Variants in MCU observed in about 807,000 individuals in gnomAD.
MCU encodes the protein mitochondrial calcium uniporter.
Under a neutral mutation model 45.2 loss-of-function variants are expected in MCU, and 12 were observed. That is an observed-to-expected ratio of 0.27 (90% CI 0.17 to 0.43). The LOEUF (loss-of-function observed/expected upper bound fraction) is 0.43, where lower values mean the gene tolerates loss of function less well. Among genes scored for constraint, MCU ranks in the 20% least tolerant of loss-of-function variants. The probability of loss-of-function intolerance (pLI) is 1.00; values close to 1 mark genes in which losing one functional copy is unlikely to be tolerated. For synonymous variants in MCU, 160 were observed against 165.1 expected (o/e 0.97, Z 0.24); for missense variants, 324 against 436.7 (o/e 0.74, Z 2.30).
At chr10:72,787,208 A>G (rs1198577232) in intron 1 of MCU, among the ~76,000 whole-genome samples, 2 of 152,224 alleles carry the variant, frequency 1.3e-5, no homozygotes, top group African/African-American at 4.8e-5. Context: ...ACTCCCGCCC[A>G]CGGTAATTTT....
At chr10:72,821,331 A>G (rs2132815961) in intron 1 of MCU, among the ~76,000 whole-genome samples, 1 of 152,270 alleles carries the variant, frequency 6.6e-6, no homozygotes, top group South Asian at 2.1e-4. Context: ...GTAATTAAGT[A>G]ATCAGCAAAT....
intron 2 of MCU, among the ~76,000 whole-genome samples, chr10:72,858,649 C>G (rs1374532685): frequency 6.6e-6 from 1 of 152,168 alleles, no homozygotes; most frequent in South Asian, 2.1e-4. Context: ...GGGGTCCATT[C>G]AGTCAGTTGA....
intron 1 of MCU, among the ~76,000 whole-genome samples, chr10:72,746,458 A>C (rs558003970): frequency 6.6e-6 from 1 of 152,330 alleles, no homozygotes; most frequent in African/African-American, 2.4e-5. Context: ...CTCACTTTTC[A>C]GTTGGATAAA....
At chr10:72,706,026 T>C (rs1842815637) in intron 1 of MCU, among the ~76,000 whole-genome samples, 1 of 152,164 alleles carries the variant, frequency 6.6e-6, no homozygotes, top group Non-Finnish European at 1.5e-5. Context: ...GTTTATTGTA[T>C]TCTCTGAAGC....
intron 1 of MCU, among the ~76,000 whole-genome samples, chr10:72,774,276 G>A (rs146048156): frequency 6.3e-4 from 96 of 152,100 alleles, no homozygotes; most frequent in African/African-American, 2.2e-3. Context: ...TGGAGTTAAA[G>A]CATAGAATTC....
intron 1 of MCU, among the ~76,000 whole-genome samples, chr10:72,825,880 A>G (rs922079001): frequency 6.6e-6 from 1 of 152,162 alleles, no homozygotes; most frequent in African/African-American, 2.4e-5. Context: ...TACAGATGAG[A>G]ACTAAGATTC....
chr10:72,871,728 C>T (rs1452793307), intron 6 of MCU, 148 bp downstream of exon 6: 4 of 668,078 alleles, frequency 6.0e-6, no homozygotes, highest in Non-Finnish European at 1.0e-5. Context: ...GTGTATTAGG[C>T]AATATTCTAA....
At chr10:72,712,100 A>G (rs979598226) in intron 1 of MCU, among the ~76,000 whole-genome samples, 2 of 152,100 alleles carry the variant, frequency 1.3e-5, no homozygotes, top group Non-Finnish European at 2.9e-5. Flanking sequence ...TTCATTTTTA[A>G]CTACTTTGGC....
chr10:72,728,530 GAA>G (rs1589434763), intron 1 of MCU, among the ~76,000 whole-genome samples: 3 of 152,308 alleles, frequency 2.0e-5, no homozygotes, highest in African/African-American at 7.2e-5. Context: ...AGATACGAGT[GAA>G]GAGTATTTCA....
chr10:72,848,100 T>C (rs1845148730), intron 2 of MCU, among the ~76,000 whole-genome samples: 2 of 152,194 alleles, frequency 1.3e-5, no homozygotes, highest in African/African-American at 2.4e-5. Flanking sequence ...GGCATGAATA[T>C]AGACAATCCC....
At chr10:72,725,626 C>T (rs1589433683) in intron 1 of MCU, among the ~76,000 whole-genome samples, 2 of 152,144 alleles carry the variant, frequency 1.3e-5, no homozygotes, top group African/African-American at 2.4e-5. Flanking sequence ...CGGTGGCTCA[C>T]GCCTATAATC....
intron 1 of MCU, chr10:72,716,003 G>C (rs936262197): frequency 8.4e-6 from 4 of 473,738 alleles, no homozygotes; most frequent in Non-Finnish European, 1.1e-5. Flanking sequence ...GTTGCCAGTT[G>C]ATTTTTCTGC....
At chr10:72,824,790 CTATAGTTATTTA>C (rs1445562012) in intron 1 of MCU, among the ~76,000 whole-genome samples, 3 of 152,006 alleles carry the variant, frequency 2.0e-5, no homozygotes, top group African/African-American at 7.3e-5. Flanking sequence ...TAAGAAAGGT[CTATAGTTATTTA>C]TATTTGTGAG....
intron 1 of MCU, chr10:72,760,716 CTT>C (rs965659813): frequency 5.9e-5 from 8 of 134,998 alleles, no homozygotes; most frequent in Admixed American, 1.5e-4. Flanking sequence ...TTTTTTCTTT[CTT>C]TTTTTTTTTT....
chr10:72,720,116 A>G (rs1260078923), intron 1 of MCU, among the ~76,000 whole-genome samples: 1 of 152,066 alleles, frequency 6.6e-6, no homozygotes, highest in East Asian at 1.9e-4. Flanking sequence ...GCCTCAAGCA[A>G]TCCTTCCACT....
At chr10:72,708,299 T>C (rs1401126616) in intron 1 of MCU, 1 of 152,150 alleles carries the variant, frequency 6.6e-6, no homozygotes, top group Non-Finnish European at 1.5e-5. Flanking sequence ...GAGGAAGAGG[T>C]GAAGATGTGG....
chr10:72,837,970 C>T (rs929624363), intron 2 of MCU, among the ~76,000 whole-genome samples: 2 of 151,472 alleles, frequency 1.3e-5, no homozygotes, highest in Non-Finnish European at 2.9e-5. Context: ...GATTCTCCTG[C>T]CTCAGCCTCC....
chr10:72,702,445 G>T (rs1283679781), intron 1 of MCU, among the ~76,000 whole-genome samples: 1 of 152,156 alleles, frequency 6.6e-6, no homozygotes, highest in African/African-American at 2.4e-5. Flanking sequence ...TTGGTAACCT[G>T]GAGACATTCA....
intron 1 of MCU, among the ~76,000 whole-genome samples, chr10:72,789,170 T>C (rs998194145): frequency 6.6e-6 from 1 of 152,172 alleles, no homozygotes; most frequent in Non-Finnish European, 1.5e-5. Context: ...TGGGTGACTG[T>C]ACCAGTTCTG....
Sources: gnomAD v4.1 joint callset for allele counts (sites outside exome capture counted in the v4.1 genomes callset) on GRCh38, gnomAD v4.1.1 for gene constraint, MANE v1.5 for transcripts, NCBI Gene and HGNC (gene_info 2026-07-23, HGNC 2026-07-21) for gene names.